Variants in ARHGAP25 observed in about 807,000 individuals in gnomAD.
ARHGAP25 encodes rho GTPase-activating protein 25.
Under a neutral mutation model 71.0 loss-of-function variants are expected in ARHGAP25, and 34 were observed. The observed-to-expected ratio is 0.48, with a 90% confidence interval of 0.36 to 0.64. The LOEUF is 0.64. Among genes scored for constraint, ARHGAP25 ranks in the 30% least tolerant of loss-of-function variants. ARHGAP25 has a pLI of 0.00. For synonymous variants in ARHGAP25, 282 were observed against 296.5 expected (o/e 0.95, Z 0.50); for missense variants, 706 against 805.1 (o/e 0.88, Z 1.49).
chr2:68,760,950 G>C (rs1676776141), intron 1 of ARHGAP25, among the ~76,000 whole-genome samples: 1 of 151,214 alleles, frequency 6.6e-6, no homozygotes, highest in South Asian at 2.1e-4. Flanking sequence ...AAAATTATAT[G>C]ATTAGTTACA....
intron 2 of ARHGAP25, among the ~76,000 whole-genome samples, chr2:68,715,996 C>T (rs192550506): frequency 1.9e-3 from 282 of 152,264 alleles, no homozygotes; most frequent in Admixed American, 2.6e-3. Context: ...TTTCTGAGTC[C>T]GGGGCCCTTC....
intron 2 of ARHGAP25, among the ~76,000 whole-genome samples, chr2:68,711,683 C>G (rs4854494): frequency 0.22 from 30,745 of 142,850 alleles, 3,029 homozygotes; most frequent in East Asian, 0.34. Context: ...ACCCACCCCC[C>G]GCAGGCCCCA....
At chr2:68,734,517 T>C (rs371250781), upstream of ARHGAP25, among the ~76,000 whole-genome samples, 6 of 152,242 alleles carry the variant, frequency 3.9e-5, no homozygotes, top group African/African-American at 1.4e-4. Context: ...TTTGGGGGAA[T>C]GCTTGTTGTT....
chr2:68,723,948 C>T (rs553925135), intron 2 of ARHGAP25, among the ~76,000 whole-genome samples: 7 of 152,070 alleles, frequency 4.6e-5, no homozygotes, highest in Admixed American at 1.3e-4. Flanking sequence ...CATCTCAGCT[C>T]ACTGCAGCCT....
intron 5 of ARHGAP25, among the ~76,000 whole-genome samples, chr2:68,810,183 C>A: frequency 7.0e-6 from 1 of 143,476 alleles, no homozygotes; most frequent in African/African-American, 2.6e-5. Flanking sequence ...GTTAGAGGAA[C>A]AGCAAACTCA....
intron 4 of ARHGAP25, among the ~76,000 whole-genome samples, chr2:68,802,423 A>AAAC (rs1680041271): frequency 6.6e-6 from 1 of 151,632 alleles, no homozygotes; most frequent in African/African-American, 2.4e-5. Context: ...AAAAAAAAAA[A>AAAC]AAAAAAGAAT....
intron 6 of ARHGAP25, among the ~76,000 whole-genome samples, chr2:68,815,443 CTTTTTTTT>C (rs796100406): frequency 4.8e-5 from 3 of 62,292 alleles, no homozygotes; most frequent in African/African-American, 6.6e-5. Context: ...TGTGTACTCT[CTTTTTTTT>C]TTTTTTTTTT....
In ARHGAP25 at chr2:68,779,054, A is replaced by G. The variant is rs377624626; in HGVS notation, c.262-3179A>G. ...TCGCCCTCAAGTTTCTGTTACAATG[A>G]TGGTCTCAGACAATCCTAGTAGTAG... On this transcript the variant is annotated intron_variant, in intron 2 of 10. Transcript: ENST00000409202. Among the ~76,000 whole-genome samples, 171 of 152,326 alleles carry G rather than the reference A, an allele frequency of 1.1e-3. 2 individuals are homozygous for G. In the South Asian group the frequency reaches 0.023, roughly 20 times the overall value.
chr2:68,755,060 G>A (rs1676398955), intron 1 of ARHGAP25, among the ~76,000 whole-genome samples: 1 of 151,880 alleles, frequency 6.6e-6, no homozygotes, highest in African/African-American at 2.4e-5. Flanking sequence ...TTTCTTTTAT[G>A]GATTGTGCTT....
intron 1 of ARHGAP25, chr2:68,735,619 G>C: frequency 3.7e-6 from 1 of 266,752 alleles, no homozygotes; most frequent in Non-Finnish European, 7.1e-6. Flanking sequence ...GGAGCACAAA[G>C]ACTAGAGTCT....
chr2:68,785,186 T>C (rs527728740), intron 3 of ARHGAP25, among the ~76,000 whole-genome samples: 82 of 152,296 alleles, frequency 5.4e-4, no homozygotes, highest in African/African-American at 1.9e-3. Flanking sequence ...TGTGAGAACT[T>C]TAGCTTTTCT....
rs1303851898 is a variant in ARHGAP25 at position 68,767,400 on chromosome 2, G to A, written c.62-7821G>A. On this transcript the variant is annotated intron_variant, in intron 1 of 10. Coordinates refer to ENST00000409202, the MANE Select transcript of ARHGAP25 (RefSeq NM_001007231.3). This position sits in a 1 kb window ranked among gnomAD's most constrained non-coding sequence, Gnocchi z 4.6. The stretch of plus-strand genomic sequence containing the variant: ...CAGTCTGATAACAGGATAGGTGGGG[G>A]GTCTGCATGTATGTATGTGTGAATG... Among the ~76,000 whole-genome samples the A allele has an allele frequency of 6.6e-6, 1 of 151,730 alleles. No homozygotes were observed. Among genetic ancestry groups the A allele is most frequent in the East Asian group, 1.9e-4 (1 of 5,180 alleles).
chr2:68,826,348 T>C lies in ARHGAP25; in HGVS notation c.*154T>C, dbSNP rs1682134615. 1 of 776,558 alleles carries C rather than the reference T, an allele frequency of 1.3e-6. No homozygotes were observed. The highest frequency in any genetic ancestry group is 1.7e-5 in the African/African-American group (1 of 58,570). The allele number at this position is 776,558 out of a possible 1,614,324, so 48.1% of individuals were successfully genotyped here. On this transcript the variant is annotated 3_prime_UTR_variant, in exon 11 of 11. Coordinates refer to ENST00000409202, the MANE Select transcript of ARHGAP25 (RefSeq NM_001007231.3). ...TTTCCCCATAAATAAATGAATGGAGTTTGCAGGAAGGTGAGGGTGAGCAGA... is the reference window on the plus strand; with the variant it reads ...TTTCCCCATAAATAAATGAATGGAGCTTGCAGGAAGGTGAGGGTGAGCAGA...
intron 1 of ARHGAP25, among the ~76,000 whole-genome samples, chr2:68,735,805 G>T (rs1312682510): frequency 2.6e-5 from 4 of 152,190 alleles, no homozygotes; most frequent in African/African-American, 9.7e-5. Flanking sequence ...TAAAGGAACA[G>T]AATGGGAGGG....
At chr2:68,819,031 C>A in intron 8 of ARHGAP25, 92 bp from the exon 9 acceptor site, 2 of 1,167,066 alleles carry the variant, frequency 1.7e-6, no homozygotes, top group Non-Finnish European at 2.4e-6. Flanking sequence ...AGTTTTAGAA[C>A]CGAGTTTGGA....
intron 1 of ARHGAP25, among the ~76,000 whole-genome samples, chr2:68,747,599 C>T (rs1360266873): frequency 6.6e-6 from 1 of 152,220 alleles, no homozygotes; most frequent in East Asian, 1.9e-4. Context: ...TCCAACGTCT[C>T]TTCTGGGTTC....
chr2:68,801,028 T>C (rs1481736049), intron 4 of ARHGAP25, among the ~76,000 whole-genome samples: 1 of 152,122 alleles, frequency 6.6e-6, no homozygotes, highest in African/African-American at 2.4e-5. Flanking sequence ...GACCAGGTCT[T>C]TGGAGTTCCA....
At chr2:68,818,129 G>A in intron 8 of ARHGAP25, 135 bp downstream of exon 8, 1 of 1,187,180 alleles carries the variant, frequency 8.4e-7, no homozygotes, top group Admixed American at 1.9e-5. Flanking sequence ...TCATGCAATA[G>A]CCTTGTGAGG....
At chr2:68,783,654 G>A (rs1359414731) in intron 3 of ARHGAP25, among the ~76,000 whole-genome samples, 2 of 151,988 alleles carry the variant, frequency 1.3e-5, no homozygotes, top group East Asian at 3.9e-4. Flanking sequence ...AGTAGAGACA[G>A]GGTTTCACAT....
Sources: allele counts gnomAD v4.1 joint callset (sites outside exome capture counted in the v4.1 genomes callset), GRCh38; gene constraint gnomAD v4.1.1; non-coding constraint Gnocchi (gnomAD v3.1); transcripts MANE v1.5; gene names NCBI Gene and HGNC (gene_info 2026-07-23, HGNC 2026-07-21).